The following WDR11 variants were observed in gnomAD, a reference collection of about 807,000 sequenced individuals.
WDR11 encodes WD repeat-containing protein 11.
Under a neutral mutation model 151.2 loss-of-function variants are expected in WDR11, and 83 were observed. The observed-to-expected ratio is 0.55, with a 90% confidence interval of 0.46 to 0.66. WDR11 has a LOEUF of 0.66. WDR11 is among the 30% of genes least tolerant of loss of function. WDR11 has a pLI of 0.00. For missense variants in WDR11, 1,301 were observed against 1,480.9 expected (o/e 0.88, Z 1.99); for synonymous variants, 484 against 533.1 (o/e 0.91, Z 1.27).
At chr10:120,860,706 A>G (rs769148067) in intron 4 of WDR11, among the ~76,000 whole-genome samples, 1 of 152,250 alleles carries the variant, frequency 6.6e-6, no homozygotes, top group Non-Finnish European at 1.5e-5. Context: ...TGCCATAAAC[A>G]GATGCATGTA....
At chr10:120,867,601 A>T (rs775939867) in intron 9 of WDR11, among the ~76,000 whole-genome samples, 19 of 152,304 alleles carry the variant, frequency 1.2e-4, no homozygotes, top group Middle Eastern at 3.4e-3. Context: ...TAATCTCCCA[A>T]GTCTAATTTA....
At chr10:120,856,575 C>CAA (rs71019798) in intron 2 of WDR11, among the ~76,000 whole-genome samples, 36,022 of 101,344 alleles carry the variant, frequency 0.36, 5,319 homozygotes, top group African/African-American at 0.39. Flanking sequence ...ACTCTGTCTC[C>CAA]AAAAAAAAAA....
At chr10:120,906,571 A>C in intron 27 of WDR11, 3 of 1,421,970 alleles carry the variant, frequency 2.1e-6, no homozygotes, top group Non-Finnish European at 2.7e-6. Flanking sequence ...TTTTTAAAGT[A>C]TTAATTTTAA....
chr10:120,906,613 C>T (rs1413011563), intron 27 of WDR11, 163 bp from the exon 28 acceptor site: 10 of 1,493,820 alleles, frequency 6.7e-6, no homozygotes, highest in Non-Finnish European at 8.9e-6. Flanking sequence ...GAGTATTCTT[C>T]CCTCCTTTTT....
rs1847116208 is a variant in WDR11 at position 120,883,870 on chromosome 10, C to T, written c.1830C>T (p.Phe610=). 1 of 1,612,750 alleles carries T rather than the reference C, an allele frequency of 6.2e-7. No individual in the cohort carries two copies. The highest frequency in any genetic ancestry group is 1.7e-5 in the Admixed American group (1 of 59,936). The change falls in exon 14 of 29, where the codon TTC becomes TTT. Residue 610 remains phenylalanine (F), a synonymous_variant. Coordinates refer to ENST00000263461, the MANE Select transcript of WDR11 (RefSeq NM_018117.12). ...CTLLREMSKN[F]PTITALEWSP... is the part of the protein sequence containing the mutation. ...TTCTTAGAGAGATGTCCAAAAACTT[C>T]CCTACAATAACTGCTTTGGTAAGTT...
intron 4 of WDR11, 197 bp from the exon 5 acceptor site, chr10:120,862,538 G>T: frequency 1.7e-6 from 1 of 576,932 alleles, no homozygotes. Context: ...GCCAAGCTTG[G>T]AGGCCTCTGA....
intron 9 of WDR11, among the ~76,000 whole-genome samples, chr10:120,869,543 A>C (rs1166770701): frequency 2.0e-5 from 3 of 152,174 alleles, no homozygotes; most frequent in Non-Finnish European, 2.9e-5. Flanking sequence ...TTAAACTTTT[A>C]ATTTGAAATT....
At chr10:120,870,623 T>C (rs2133755415) in intron 9 of WDR11, among the ~76,000 whole-genome samples, 1 of 152,362 alleles carries the variant, frequency 6.6e-6, no homozygotes, top group African/African-American at 2.4e-5. Flanking sequence ...TATTTGTATT[T>C]GTTTTATATT....
chr10:120,865,335 A>G, intron 6 of WDR11, 123 bp downstream of exon 6: 1 of 1,005,862 alleles, frequency 9.9e-7, no homozygotes. Context: ...TTATCAAAAG[A>G]CTAGCAACAC....
rs746221946 is a variant in WDR11 at position 120,895,614 on chromosome 10, C to T, written c.2516-4415C>T. Among the ~76,000 whole-genome samples, 256 of 152,206 alleles carry T rather than the reference C, an allele frequency of 1.7e-3. 1 individual carries two copies. Among genetic ancestry groups the T allele is most frequent in the Non-Finnish European group, 2.1e-3 (141 of 67,994 alleles). On this transcript the variant is annotated intron_variant, in intron 19 of 28. Coordinates refer to ENST00000263461, the MANE Select transcript of WDR11 (RefSeq NM_018117.12). ...TGATTACCTGGAGGAAAGTAATTCA[C>T]AAGTCACAGACTGTCTACAGAGGGG...
At chr10:120,864,906 A>G in intron 5 of WDR11, 141 bp from the exon 6 acceptor site, 1 of 886,054 alleles carries the variant, frequency 1.1e-6, no homozygotes, top group Non-Finnish European at 1.7e-6. Flanking sequence ...TAAGTTTTGG[A>G]TGCCAACCCA....
At chr10:120,889,311 C>T in intron 17 of WDR11, 127 bp downstream of exon 17, 1 of 718,256 alleles carries the variant, frequency 1.4e-6, no homozygotes, top group Non-Finnish European at 2.4e-6. Flanking sequence ...AATCTCGGCT[C>T]ACTGCAAGCT....
At chr10:120,878,330 C>A in intron 11 of WDR11, 23 bp from the exon 12 acceptor site, 2 of 1,545,870 alleles carry the variant, frequency 1.3e-6, no homozygotes, top group Non-Finnish European at 8.9e-7. Flanking sequence ...TTAGTTTAAC[C>A]TTTATCTCAT....
chr10:120,906,566 A>T (rs977069078), intron 27 of WDR11: 87 of 1,417,018 alleles, frequency 6.1e-5, no homozygotes, highest in African/African-American at 3.9e-4. Flanking sequence ...ACAATTTTTT[A>T]AAGTATTAAT....
At chr10:120,858,253 T>G (rs1173357429) in intron 2 of WDR11, among the ~76,000 whole-genome samples, 1 of 152,160 alleles carries the variant, frequency 6.6e-6, no homozygotes, top group East Asian at 1.9e-4. Flanking sequence ...TTCTAAGTTG[T>G]CTTCTTTTAG....
At chr10:120,859,913 CTTATTT>C (rs751835224) in intron 3 of WDR11, among the ~76,000 whole-genome samples, 190 bp from the exon 4 acceptor site, 28 of 151,548 alleles carry the variant, frequency 1.8e-4, no homozygotes, top group African/African-American at 6.8e-4. Flanking sequence ...AACCAGACAA[CTTATTT>C]TTATATAGAA....
chr10:120,862,152 T>G (rs202158674), intron 4 of WDR11, among the ~76,000 whole-genome samples: 1,286 of 75,004 alleles, frequency 0.017, 21 homozygotes, highest in African/African-American at 0.04. Context: ...TTTTGTTTTT[T>G]TTTTTTGAGA....
At chr10:120,858,499 A>C (rs1188234495) in intron 2 of WDR11, 144 bp from the exon 3 acceptor site, 2 of 1,031,936 alleles carry the variant, frequency 1.9e-6, no homozygotes, top group Non-Finnish European at 2.8e-6. Flanking sequence ...GCTGCCTTCA[A>C]AATGAAAACC....
At chr10:120,873,972 A>T in intron 11 of WDR11, 49 bp downstream of exon 11, 1 of 1,316,692 alleles carries the variant, frequency 7.6e-7, no homozygotes, top group Non-Finnish European at 1.1e-6. Context: ...TATCAGAAAA[A>T]AAATTCTCAT....
Sources: allele counts gnomAD v4.1 joint callset (sites outside exome capture counted in the v4.1 genomes callset), GRCh38; gene constraint gnomAD v4.1.1; transcripts MANE v1.5; gene names NCBI Gene and HGNC (gene_info 2026-07-23, HGNC 2026-07-21).